AIFM1: variants seen among roughly 807,000 people sequenced by gnomAD.
AIFM1 encodes apoptosis-inducing factor 1, mitochondrial.
A neutral mutation model predicts 51.7 loss-of-function variants in AIFM1; 3 were observed. The observed-to-expected ratio is 0.06, with a 90% confidence interval of 0.03 to 0.15. The LOEUF (loss-of-function observed/expected upper bound fraction) is 0.15. Ranked by LOEUF, AIFM1 falls within the 10% of genes least tolerant of loss-of-function variation. AIFM1 has a pLI of 1.00. For missense variants in AIFM1, 330 were observed against 476.8 expected, an observed-to-expected ratio of 0.69 and a Z score of 2.87; for synonymous variants, 178 against 179.4, an observed-to-expected ratio of 0.99 and a Z score of 0.06.
intron 13 of AIFM1, 136 bp from the exon 14 acceptor site, chrX:130,131,935 C>T (rs865923568): frequency 1.7e-5 from 13 of 760,995 alleles, no homozygotes; most frequent in African/African-American, 4.2e-5. Flanking sequence ...GCAATGGGTG[C>T]GAACTCAGTT....
chrX:130,164,962 T>A (rs1003049132), intron 1 of AIFM1, among the ~76,000 whole-genome samples: 7 of 110,211 alleles, frequency 6.4e-5, no homozygotes, highest in Non-Finnish European at 1.3e-4. Flanking sequence ...ACTGTTTCTT[T>A]GAAGCCTTAA....
intron 6 of AIFM1, among the ~76,000 whole-genome samples, chrX:130,143,500 G>A (rs1295966847): frequency 9.0e-6 from 1 of 110,813 alleles, no homozygotes; most frequent in Non-Finnish European, 1.9e-5. Flanking sequence ...GCCTCATCAA[G>A]CATGACTCCT....
At chrX:130,152,631 A>G (rs2031022267) in intron 2 of AIFM1, among the ~76,000 whole-genome samples, 1 of 112,221 alleles carries the variant, frequency 8.9e-6, no homozygotes, top group African/African-American at 3.2e-5. Context: ...AATCTCATTA[A>G]CTATTCTAAA....
chrX:130,142,323 A>G (rs751458308), intron 6 of AIFM1, among the ~76,000 whole-genome samples: 1 of 111,089 alleles, frequency 9.0e-6, no homozygotes, highest in Non-Finnish European at 1.9e-5. Context: ...GCCTCCTTTG[A>G]TTTGTCCTTG....
chrX:130,135,868 G>A (rs1175261399), intron 12 of AIFM1, among the ~76,000 whole-genome samples, 177 bp downstream of exon 12: 1 of 111,676 alleles, frequency 9.0e-6, no homozygotes, highest in African/African-American at 3.3e-5. Flanking sequence ...TTGCAGATGA[G>A]GCCATACCTG....
chrX:130,129,894 G>T, intron 15 of AIFM1, 76 bp downstream of exon 15: 1 of 1,143,907 alleles, frequency 8.7e-7, no homozygotes, highest in South Asian at 1.8e-5. Context: ...TGCATCTCAG[G>T]GCACCCGATG....
At chrX:130,153,246 G>A (rs1017600933) in intron 2 of AIFM1, among the ~76,000 whole-genome samples, 2 of 105,180 alleles carry the variant, frequency 1.9e-5, no homozygotes, top group African/African-American at 7.0e-5. Context: ...GCTACTCCTC[G>A]GGAGGCTGAG....
In AIFM1 at chrX:130,149,524, T is replaced by C. The variant is rs762924098; in HGVS notation, c.294A>G (p.Arg98=). ...MKEDEKRYNE[R]ISGLGLTPEQ... ...CTGGTGTCAGCCCTAACCCTGAAAT[T>C]CTTTCATTGTATCTTTTTTCATCCT... The change falls in exon 3 of 16, where the codon AGA becomes AGG. Residue 98 remains arginine, a synonymous_variant. Transcript: ENST00000287295. The C allele has an allele frequency of 1.7e-6, 2 of 1,211,224 alleles. No individual in the cohort carries two copies. The highest frequency in any genetic ancestry group is 2.2e-6 in the Non-Finnish European group (2 of 894,999).
chrX:130,146,129 A>T (rs1251487305), intron 5 of AIFM1, among the ~76,000 whole-genome samples: 1 of 111,753 alleles, frequency 8.9e-6, no homozygotes, highest in Non-Finnish European at 1.9e-5. Flanking sequence ...TGATATATTA[A>T]TATTAATTAG....
chrX:130,139,226 G>C (rs1445205880), intron 8 of AIFM1, among the ~76,000 whole-genome samples: 2 of 110,425 alleles, frequency 1.8e-5, no homozygotes, highest in Non-Finnish European at 3.8e-5. Flanking sequence ...TAGCTACTTG[G>C]AAGGCTGAGG....
rs1057522094 is a variant in AIFM1 at position 130,149,461 on chromosome X, A to C, written c.349+8T>G. 21 of 1,191,704 alleles carry C rather than the reference A, an allele frequency of 1.8e-5. No homozygotes were observed. Among genetic ancestry groups the C allele is most frequent in the Non-Finnish European group, 2.3e-5 (20 of 878,576 alleles). ...TCAAATCATAGCAAGACTTAAGGGAATACTCACCAGATAACGCGGCCTTTT... is the reference window on the plus strand; with the variant it reads ...TCAAATCATAGCAAGACTTAAGGGACTACTCACCAGATAACGCGGCCTTTT... On this transcript the variant is annotated splice_region_variant and intron_variant, in intron 3 of 15. Coordinates refer to ENST00000287295, the MANE Select transcript of AIFM1 (RefSeq NM_004208.4).
intron 2 of AIFM1, among the ~76,000 whole-genome samples, chrX:130,153,278 G>A (rs1388441607): frequency 4.8e-5 from 5 of 103,943 alleles, no homozygotes; most frequent in South Asian, 9.4e-4. Context: ...GCATGAACCC[G>A]GGAGGCGGAC....
intron 2 of AIFM1, chrX:130,155,234 A>T (rs1304762592): frequency 8.3e-7 from 1 of 1,208,758 alleles, no homozygotes; most frequent in Non-Finnish European, 1.1e-6. Context: ...TCCCAGAAGC[A>T]CCTGTAGATG....
At chrX:130,155,235 C>T (rs891049157) in intron 2 of AIFM1, 1 of 1,209,094 alleles carries the variant, frequency 8.3e-7, no homozygotes, top group Non-Finnish European at 1.1e-6. Flanking sequence ...CCCAGAAGCA[C>T]CTGTAGATGC....
chrX:130,136,893 C>T (rs2030364931), intron 10 of AIFM1, among the ~76,000 whole-genome samples, 162 bp from the exon 11 acceptor site: 1 of 111,264 alleles, frequency 9.0e-6, no homozygotes, highest in Admixed American at 9.6e-5. Flanking sequence ...ATTTTCAGCA[C>T]TTCCAGGAAT....
At position 130,165,812 on chromosome X, in the gene AIFM1, G is replaced by A; in HGVS notation, c.-156C>T. On this transcript the variant is annotated 5_prime_UTR_variant, in exon 1 of 16. Coordinates refer to ENST00000287295, the MANE Select transcript of AIFM1 (RefSeq NM_004208.4). ...CTCCGGGTGGGCATTGGACAGAGAA[G>A]CCGGCCTGCTAGAGCCGGGGAAGGG... 5.6e-6 allele frequency: 3 copies of A among 532,972 alleles called. No homozygotes were observed. The highest frequency in any genetic ancestry group is 5.4e-5 in the Admixed American group (2 of 37,380). The allele number at this position is 532,972 out of a possible 1,213,427, so 43.9% of individuals were successfully genotyped here. A position where few individuals can be genotyped will look rare whatever the true frequency, so the allele number is the denominator to read the frequency against.
intron 4 of AIFM1, 34 bp downstream of exon 4, chrX:130,147,718 C>T: frequency 8.3e-7 from 1 of 1,211,810 alleles, no homozygotes; most frequent in Non-Finnish European, 1.1e-6. Context: ...GCAGACTGTA[C>T]CCTCTGTGCC....
intron 6 of AIFM1, among the ~76,000 whole-genome samples, chrX:130,142,243 G>C (rs2030603289): frequency 1.8e-5 from 2 of 111,613 alleles, no homozygotes; most frequent in Non-Finnish European, 1.9e-5. Flanking sequence ...AATCTAGTCA[G>C]GTTGGGTTGG....
chrX:130,146,275 A>T (rs2030744414), intron 5 of AIFM1, among the ~76,000 whole-genome samples: 1 of 109,971 alleles, frequency 9.1e-6, no homozygotes, highest in Non-Finnish European at 1.9e-5. Context: ...TCGTCTCTAG[A>T]AAAAAATTTT....
Sources: allele counts gnomAD v4.1 joint callset (sites outside exome capture counted in the v4.1 genomes callset), GRCh38; gene constraint gnomAD v4.1.1; transcripts MANE v1.5; gene names NCBI Gene and HGNC (gene_info 2026-07-23, HGNC 2026-07-21).